CELF1: variants seen among roughly 807,000 people sequenced by gnomAD.
The protein encoded by CELF1 is CUGBP Elav-like family member 1, also known as 50 kDa nuclear polyadenylated RNA-binding protein.
A neutral mutation model predicts 61.8 loss-of-function variants in CELF1; 10 were observed. The observed-to-expected ratio is 0.16, with a 90% CI of 0.10 to 0.27. The LOEUF (loss-of-function observed/expected upper bound fraction) is 0.27. CELF1 is among the 10% of genes least tolerant of loss of function. The pLI, the probability that CELF1 is intolerant of heterozygous loss-of-function variation, is 1.00. For missense variants in CELF1, 380 were observed against 639.1 expected (o/e 0.59, Z 4.37); for synonymous variants, 236 against 225.1 (o/e 1.05, Z -0.43).
chr11:47,553,241 G>A, upstream of CELF1: 1 of 382,978 alleles, frequency 2.6e-6, no homozygotes, highest in Non-Finnish European at 4.6e-6. Flanking sequence ...CAGCGCCGAT[G>A]CGAGCGGAGC....
At chr11:47,491,702 T>C (rs906302121) in intron 3 of CELF1, among the ~76,000 whole-genome samples, 5 of 152,196 alleles carry the variant, frequency 3.3e-5, no homozygotes, top group African/African-American at 4.8e-5. Context: ...CTTAACACCT[T>C]TGAACATAAT....
At chr11:47,511,440 T>A (rs1359456035) in intron 1 of CELF1, among the ~76,000 whole-genome samples, 1 of 152,212 alleles carries the variant, frequency 6.6e-6, no homozygotes, top group East Asian at 1.9e-4. Context: ...ATAAATGGTT[T>A]TTTGAACAAT....
chr11:47,472,699 C>A (rs962989291), intron 14 of CELF1, among the ~76,000 whole-genome samples: 1 of 152,100 alleles, frequency 6.6e-6, no homozygotes, highest in African/African-American at 2.4e-5. Context: ...AACACAGGTA[C>A]ACGCCACCAC....
At chr11:47,551,050 A>C (rs1237295491) in intron 1 of CELF1, among the ~76,000 whole-genome samples, 1 of 152,142 alleles carries the variant, frequency 6.6e-6, no homozygotes, top group East Asian at 1.9e-4. Context: ...AAAAAAAAAA[A>C]AAACATAACC....
intron 10 of CELF1, among the ~76,000 whole-genome samples, chr11:47,478,382 A>C (rs1240155109): frequency 6.6e-6 from 1 of 152,214 alleles, no homozygotes; most frequent in African/African-American, 2.4e-5. Flanking sequence ...ACTCCATTTA[A>C]GTTTTCTGTG....
At chr11:47,516,704 A>C (rs954202260) in intron 1 of CELF1, among the ~76,000 whole-genome samples, 1 of 151,630 alleles carries the variant, frequency 6.6e-6, no homozygotes, top group African/African-American at 2.4e-5. Flanking sequence ...AGTTGTAAGC[A>C]ATTTTCCTGC....
chr11:47,492,180 A>AGGGC, intron 3 of CELF1, among the ~76,000 whole-genome samples: 1 of 151,948 alleles, frequency 6.6e-6, no homozygotes, highest in Non-Finnish European at 1.5e-5. Flanking sequence ...GGGTCTCACT[A>AGGGC]TGTTGCAAGG....
chr11:47,514,589 C>T (rs980181221), intron 1 of CELF1, among the ~76,000 whole-genome samples: 2 of 151,266 alleles, frequency 1.3e-5, no homozygotes, highest in African/African-American at 2.4e-5. Context: ...GGCATGATGG[C>T]TCATGCCTGT....
intron 12 of CELF1, among the ~76,000 whole-genome samples, chr11:47,475,918 CAACT>C (rs1447876050): frequency 1.3e-5 from 2 of 152,124 alleles, no homozygotes; most frequent in Non-Finnish European, 2.9e-5. Context: ...ATTAAAACAG[CAACT>C]AACAGGTACT....
chr11:47,502,817 G>A (rs1470119263), intron 1 of CELF1, among the ~76,000 whole-genome samples: 2 of 152,122 alleles, frequency 1.3e-5, no homozygotes, highest in African/African-American at 4.8e-5. Context: ...GGACGACAGA[G>A]TGAGACTCTG....
At chr11:47,519,375 G>A (rs1041047449) in intron 1 of CELF1, among the ~76,000 whole-genome samples, 4 of 151,962 alleles carry the variant, frequency 2.6e-5, no homozygotes, top group Non-Finnish European at 5.9e-5. Flanking sequence ...CAGTTACTTG[G>A]GAGGCTGGGG....
intron 2 of CELF1, among the ~76,000 whole-genome samples, chr11:47,561,442 CAA>C (rs35506289): frequency 4.1e-5 from 3 of 72,860 alleles, no homozygotes; most frequent in Admixed American, 2.0e-4. Context: ...GACTCCGTCT[CAA>C]AAAAAAAAAA....
chr11:47,477,602 A>G, intron 10 of CELF1, 177 bp from the exon 11 acceptor site: 1 of 562,696 alleles, frequency 1.8e-6, no homozygotes, highest in East Asian at 2.9e-5. Flanking sequence ...CTCATTAAGA[A>G]ACTTGAAATC....
chr11:47,528,046 G>C (rs1188512780), intron 1 of CELF1, among the ~76,000 whole-genome samples: 1 of 152,048 alleles, frequency 6.6e-6, no homozygotes, highest in Non-Finnish European at 1.5e-5. Context: ...CAGTGAGCCA[G>C]GATCACACCA....
chr11:47,510,627 C>CTT (rs1489510799), intron 1 of CELF1, among the ~76,000 whole-genome samples: 1 of 152,020 alleles, frequency 6.6e-6, no homozygotes, highest in Non-Finnish European at 1.5e-5. Context: ...GCTTGAACTA[C>CTT]AGGTGTGCAC....
At chr11:47,492,566 C>T (rs1358462051) in intron 3 of CELF1, among the ~76,000 whole-genome samples, 1 of 152,000 alleles carries the variant, frequency 6.6e-6, no homozygotes, top group Non-Finnish European at 1.5e-5. Context: ...CCGTCTCTAC[C>T]AAAAAATACA....
chr11:47,563,645 C>T lies in CELF1; in HGVS notation c.-11+706G>A, dbSNP rs186226232. On this transcript the variant is annotated intron_variant, in intron 2 of 3. Transcript: ENST00000525841. Reference sequence around the variant, plus strand: ...TGGAGGTTGCAGTGAGTGGAGATGGCGCCACTACACTTCAGCCTAGTCAAT... The same window carrying T: ...TGGAGGTTGCAGTGAGTGGAGATGGTGCCACTACACTTCAGCCTAGTCAAT... Among the ~76,000 whole-genome samples, 357 of 152,008 alleles carry T rather than the reference C, an allele frequency of 2.3e-3. 2 individuals are homozygous for T. The highest frequency in any genetic ancestry group is 2.9e-3 in the South Asian group (14 of 4,812).
rs200915670 is a variant in CELF1 at position 47,476,807 on chromosome 11, C to A, written c.1087+39G>T. ...CCAGGGTTAAGATGTGCTACCTGCA[C>A]AAAGAATAGTCTGATGACAGCCAGG... is the stretch of plus-strand genomic sequence containing the variant. On this transcript the variant is annotated intron_variant, in intron 12 of 14. Coordinates refer to ENST00000687097, the MANE Select transcript of CELF1 (RefSeq NM_001376376.1). 2.1e-4 allele frequency: 312 copies of A among 1,497,404 alleles called. 6 individuals are homozygous for A. In the East Asian group the frequency reaches 7.0e-3, roughly 34 times the overall value. 92.8% of individuals were successfully genotyped at this position (1,497,404 alleles called of 1,614,324 possible).
In CELF1 at chr11:47,487,146, G is replaced by A; in HGVS notation, c.342+13C>T. 1 of 1,594,690 alleles carries A rather than the reference G, an allele frequency of 6.3e-7. No homozygotes were observed. Among genetic ancestry groups the A allele is most frequent in the South Asian group, 1.1e-5 (1 of 90,606 alleles). On this transcript the variant is annotated intron_variant, in intron 5 of 14. Coordinates refer to ENST00000687097, the MANE Select transcript of CELF1 (RefSeq NM_001376376.1). ...GTTACCACATTTCCATTTACTAGTG[G>A]GAGCTTTCTTACCCCTGGGAGGACT...
Sources: allele counts gnomAD v4.1 joint callset (sites outside exome capture counted in the v4.1 genomes callset), GRCh38; gene constraint gnomAD v4.1.1; transcripts MANE v1.5; gene names NCBI Gene and HGNC (gene_info 2026-07-23, HGNC 2026-07-21).